Variants in APBB2 observed in about 807,000 individuals in gnomAD.
APBB2 encodes the protein Fe65-like 1.
A neutral mutation model predicts 82.5 loss-of-function variants in APBB2; 38 were observed. The observed-to-expected ratio is 0.46, with a 90% CI of 0.36 to 0.60. The LOEUF (loss-of-function observed/expected upper bound fraction) is 0.60, where lower values mean the gene tolerates loss of function less well. Among genes scored for constraint, APBB2 ranks in the 20% least tolerant of loss-of-function variants. The pLI, the probability that APBB2 is intolerant of heterozygous loss-of-function variation, is 0.00. For missense variants in APBB2, 772 were observed against 972.3 expected (o/e 0.79, Z 2.74); for synonymous variants, 341 against 368.2 (o/e 0.93, Z 0.85).
At chr4:40,964,619 A>T (rs1014996765) in intron 6 of APBB2, among the ~76,000 whole-genome samples, 1 of 152,094 alleles carries the variant, frequency 6.6e-6, no homozygotes, top group Non-Finnish European at 1.5e-5. Context: ...TCACTCTACC[A>T]GGGGAAAGGT....
At chr4:40,957,721 T>C (rs1055962604) in intron 6 of APBB2, among the ~76,000 whole-genome samples, 3 of 152,038 alleles carry the variant, frequency 2.0e-5, no homozygotes, top group African/African-American at 4.8e-5. Flanking sequence ...GTAGCTGGGA[T>C]TGCAGGCGCC....
At chr4:40,965,749 G>A (rs1192340354) in intron 6 of APBB2, among the ~76,000 whole-genome samples, 1 of 152,100 alleles carries the variant, frequency 6.6e-6, no homozygotes, top group Non-Finnish European at 1.5e-5. Context: ...GTATTTTAGA[G>A]GCTTCCAGTG....
At chr4:41,205,665 C>T (rs572538448) in intron 1 of APBB2, among the ~76,000 whole-genome samples, 3 of 152,322 alleles carry the variant, frequency 2.0e-5, no homozygotes, top group Middle Eastern at 3.4e-3. Flanking sequence ...ATACTCTAAA[C>T]TCAAGCTCTT....
chr4:40,920,038 C>T (rs1328613301), intron 10 of APBB2, among the ~76,000 whole-genome samples: 2 of 152,158 alleles, frequency 1.3e-5, no homozygotes, highest in East Asian at 1.9e-4. Flanking sequence ...TGGGAGTCAA[C>T]TGCTCGGGTA....
chr4:41,113,781 G>C (rs1454856150), intron 2 of APBB2, among the ~76,000 whole-genome samples: 1 of 152,038 alleles, frequency 6.6e-6, no homozygotes, highest in Non-Finnish European at 1.5e-5. Context: ...GGATGCTAAA[G>C]TATTGAGGGT....
intron 4 of APBB2, among the ~76,000 whole-genome samples, chr4:41,050,565 C>T (rs987590987): frequency 2.6e-5 from 4 of 152,204 alleles, no homozygotes; most frequent in Non-Finnish European, 4.4e-5. Flanking sequence ...AAATTCCACA[C>T]GTCACCTGCA....
intron 4 of APBB2, among the ~76,000 whole-genome samples, chr4:41,062,479 T>C (rs1005176772): frequency 6.6e-6 from 1 of 151,968 alleles, no homozygotes; most frequent in Non-Finnish European, 1.5e-5. Flanking sequence ...TCTTATTTAA[T>C]GATCAGGAGA....
intron 5 of APBB2, among the ~76,000 whole-genome samples, chr4:41,023,356 A>T (rs1712542190): frequency 6.6e-6 from 1 of 152,226 alleles, no homozygotes; most frequent in Non-Finnish European, 1.5e-5. Context: ...CGCCTTGAGG[A>T]AAGTGACTAT....
chr4:41,067,147 C>T (rs749475711), intron 3 of APBB2, among the ~76,000 whole-genome samples: 6 of 152,172 alleles, frequency 3.9e-5, no homozygotes, highest in Non-Finnish European at 7.3e-5. Flanking sequence ...CAGTGGCTCA[C>T]GCCTGTAATC....
chr4:40,911,897 C>T (rs1047788705), intron 10 of APBB2, among the ~76,000 whole-genome samples: 4 of 152,180 alleles, frequency 2.6e-5, no homozygotes, highest in African/African-American at 9.7e-5. Context: ...CCTCCTCCCT[C>T]TGCCCCTACA....
intron 10 of APBB2, among the ~76,000 whole-genome samples, chr4:40,930,556 C>A (rs141283292): frequency 2.0e-5 from 3 of 151,862 alleles, no homozygotes; most frequent in Admixed American, 2.0e-4. Flanking sequence ...GATTAAGGTG[C>A]CCAGATTCAG....
chr4:41,081,558 T>G (rs907020306), intron 3 of APBB2, among the ~76,000 whole-genome samples: 1 of 152,196 alleles, frequency 6.6e-6, no homozygotes, highest in Non-Finnish European at 1.5e-5. Flanking sequence ...CCAAAATATA[T>G]TCATTGTGTC....
At chr4:40,836,944 C>CA (rs1754153851) in intron 12 of APBB2, among the ~76,000 whole-genome samples, 1 of 152,216 alleles carries the variant, frequency 6.6e-6, no homozygotes, top group Non-Finnish European at 1.5e-5. Context: ...CCACAGTGAT[C>CA]AAAATGTCAC....
chr4:41,081,631 C>T (rs909893701), intron 3 of APBB2, among the ~76,000 whole-genome samples: 2 of 152,126 alleles, frequency 1.3e-5, no homozygotes, highest in African/African-American at 4.8e-5. Context: ...AGCTTTAAGA[C>T]AGCCTCCAAA....
intron 6 of APBB2, among the ~76,000 whole-genome samples, chr4:40,970,094 T>C (rs1199733749): frequency 6.6e-6 from 1 of 152,196 alleles, no homozygotes; most frequent in Non-Finnish European, 1.5e-5. Context: ...ACAGGATTGT[T>C]TTCTCATTAG....
At chr4:40,956,561 C>A (rs971442170) in intron 6 of APBB2, among the ~76,000 whole-genome samples, 1 of 151,742 alleles carries the variant, frequency 6.6e-6, no homozygotes, top group Non-Finnish European at 1.5e-5. Context: ...AGAAAAATTA[C>A]ACTTTGTATT....
At chr4:41,137,445 C>CAA (rs1412588501) in intron 2 of APBB2, among the ~76,000 whole-genome samples, 1 of 152,156 alleles carries the variant, frequency 6.6e-6, no homozygotes, top group Non-Finnish European at 1.5e-5. Context: ...TCCACATTGT[C>CAA]ATCTACCATA....
rs1787937650 is a variant in APBB2 at position 40,944,844 on chromosome 4, TA to T, written c.1044+20del. Reference sequence around the variant, plus strand: ...AGTTACATCTATTCTACTAAGCTGGTAAAAAGACACTCCGTTTTACCTCGTT... The same window carrying T: ...AGTTACATCTATTCTACTAAGCTGGTAAAAGACACTCCGTTTTACCTCGTT... On this transcript the variant is annotated intron_variant, in intron 7 of 17. Coordinates refer to ENST00000508593, the MANE Select transcript of APBB2 (RefSeq NM_004307.2). 6.2e-7 allele frequency: 1 copy of T among 1,610,714 alleles called. No individual in the cohort carries two copies. The highest frequency in any genetic ancestry group is 8.5e-7 in the Non-Finnish European group (1 of 1,178,650).
intron 2 of APBB2, among the ~76,000 whole-genome samples, chr4:41,107,146 C>CA (rs1490313744): frequency 2.0e-5 from 3 of 151,808 alleles, no homozygotes; most frequent in Non-Finnish European, 4.4e-5. Context: ...CCCATCTTTA[C>CA]AAAAAAATAC....
Sources: gnomAD v4.1 joint callset for allele counts (sites outside exome capture counted in the v4.1 genomes callset) on GRCh38, gnomAD v4.1.1 for gene constraint, MANE v1.5 for transcripts, NCBI Gene and HGNC (gene_info 2026-07-23, HGNC 2026-07-21) for gene names.